The following ENO4 variants were observed in gnomAD, a reference collection of about 807,000 sequenced individuals.
ENO4 encodes 2-phospho-D-glycerate hydro-lyase.
In ENO4, 53 loss-of-function variants were observed where a neutral mutation model predicts 63.2. The ratio of observed to expected loss-of-function variants is 0.84; its 90% CI spans 0.67 to 1.05. The LOEUF is 1.05. Among genes scored for constraint, ENO4 ranks in the 50% least tolerant of loss-of-function variants. The pLI, the probability that ENO4 is intolerant of heterozygous loss-of-function variation, is 0.00. For synonymous variants in ENO4, 266 were observed against 283.8 expected (o/e 0.94, Z 0.63); for missense variants, 719 against 772.0 (o/e 0.93, Z 0.81).
chr10:116,906,620 G>C (rs1284054587), intron 10 of ENO4: 1 of 1,608,544 alleles, frequency 6.2e-7, no homozygotes, highest in Non-Finnish European at 8.5e-7. Context: ...AATTCAAACC[G>C]GCTTACTACT....
chr10:116,853,360 G>A (rs1390144511), intron 1 of ENO4, among the ~76,000 whole-genome samples: 1 of 151,438 alleles, frequency 6.6e-6, no homozygotes, highest in Non-Finnish European at 1.5e-5. Flanking sequence ...ATCTTGGACA[G>A]TTAATTTTTG....
Position 116,871,139 on chromosome 10 carries a change from CA to C in ENO4, c.1064del (p.Lys355ArgfsTer8). The C allele has an allele frequency of 1.3e-6, 2 of 1,550,386 alleles. No homozygotes were observed. The highest frequency in any genetic ancestry group is 1.7e-6 in the Non-Finnish European group (2 of 1,146,920). On this transcript the variant is annotated frameshift_variant, in exon 9 of 14. Coordinates refer to ENST00000341276, the MANE Select transcript of ENO4 (RefSeq NM_001242699.2). LOFTEE classifies it high-confidence loss of function. ...TGATCTTGCAGCAGCAGATCACTGG[CA>C]AGATGTCTCATCTTGGCTGTTTAAC... is the stretch of plus-strand genomic sequence containing the variant. ...SKRGQQQITG[K>X]MSHLGCLTIN...
chr10:116,858,934 C>A, intron 3 of ENO4, 56 bp from the exon 4 acceptor site: 2 of 1,219,320 alleles, frequency 1.6e-6, no homozygotes, highest in Non-Finnish European at 2.3e-6. Flanking sequence ...TGACCAAAAT[C>A]ACAGAGTGAT....
Position 116,901,832 on chromosome 10 carries a change from G to T in ENO4, c.1195-9667G>T, listed in dbSNP as rs772849432. 13 of 1,604,338 alleles carry T rather than the reference G, an allele frequency of 8.1e-6. No individual in the cohort carries two copies. The East Asian group carries it at 1.1e-4, about 14-fold the overall frequency. ...GGCCCTTCACCTGGCTCAGGTGTTGGGGGGGACGGGCTGTTGAATTCTGCC... is the reference window on the plus strand; with the variant it reads ...GGCCCTTCACCTGGCTCAGGTGTTGTGGGGGACGGGCTGTTGAATTCTGCC... On this transcript the variant is annotated intron_variant, in intron 10 of 10. Coordinates refer to the ENO4 transcript ENST00000369207.
chr10:116,876,556 CAGG>C (rs1339820538), intron 11 of ENO4, among the ~76,000 whole-genome samples: 2 of 152,266 alleles, frequency 1.3e-5, no homozygotes, highest in Admixed American at 6.5e-5. Flanking sequence ...CTGCCTGTAA[CAGG>C]AGGACTAATG....
chr10:116,874,010 G>C (rs181856800), intron 9 of ENO4, 66 bp from the exon 10 acceptor site: 1 of 1,447,062 alleles, frequency 6.9e-7, no homozygotes, highest in Non-Finnish European at 9.3e-7. Flanking sequence ...AATCTGAACC[G>C]TATCTTTGGG....
chr10:116,865,883 T>C (rs1846536729), intron 7 of ENO4, among the ~76,000 whole-genome samples: 1 of 152,248 alleles, frequency 6.6e-6, no homozygotes, highest in Non-Finnish European at 1.5e-5. Flanking sequence ...CCTGGAATAC[T>C]AATAATCCAC....
intron 1 of ENO4, among the ~76,000 whole-genome samples, chr10:116,852,244 A>G (rs1846111098): frequency 6.6e-6 from 1 of 152,182 alleles, no homozygotes; most frequent in Non-Finnish European, 1.5e-5. Flanking sequence ...CAGAACTGTG[A>G]GTCAATTAAA....
chr10:116,881,070 G>A (rs1043547918), intron 13 of ENO4, among the ~76,000 whole-genome samples: 2 of 152,166 alleles, frequency 1.3e-5, no homozygotes, highest in East Asian at 1.9e-4. Flanking sequence ...CCACTTTAGA[G>A]TAGGAAATCT....
intron 7 of ENO4, among the ~76,000 whole-genome samples, chr10:116,868,331 T>C (rs1846598182): frequency 6.6e-6 from 1 of 152,236 alleles, no homozygotes; most frequent in Admixed American, 6.5e-5. Flanking sequence ...GAGTTCATGA[T>C]ATATGTGTGA....
chr10:116,906,874 T>C (rs762312718), intron 10 of ENO4: 13 of 730,416 alleles, frequency 1.8e-5, no homozygotes, highest in African/African-American at 9.1e-5. Flanking sequence ...ATGAATTTGC[T>C]ATATATTAAT....
intron 7 of ENO4, among the ~76,000 whole-genome samples, chr10:116,867,888 GATCAC>G (rs1323659686): frequency 4.6e-5 from 7 of 152,096 alleles, no homozygotes; most frequent in Admixed American, 4.6e-4. Flanking sequence ...ATTGTCCCCC[GATCAC>G]ATCACATGAC....
chr10:116,904,442 T>C (rs1847879857), intron 10 of ENO4, among the ~76,000 whole-genome samples: 1 of 152,260 alleles, frequency 6.6e-6, no homozygotes, highest in South Asian at 2.1e-4. Context: ...CCTTCCTTTT[T>C]TTTTTTTCTT....
chr10:116,877,823 G>A (rs1453547502), intron 11 of ENO4, among the ~76,000 whole-genome samples: 1 of 152,208 alleles, frequency 6.6e-6, no homozygotes, highest in East Asian at 1.9e-4. Context: ...CTGTGAAGTA[G>A]ACACTATCAT....
chr10:116,875,968 G>A (rs1363270830), intron 10 of ENO4, 97 bp from the exon 11 acceptor site: 1 of 949,630 alleles, frequency 1.1e-6, no homozygotes, highest in Non-Finnish European at 1.5e-6. Flanking sequence ...TGCATCTCAG[G>A]AAAAATGTGT....
At chr10:116,873,270 A>G (rs903228924) in intron 9 of ENO4, among the ~76,000 whole-genome samples, 13 of 152,178 alleles carry the variant, frequency 8.5e-5, no homozygotes, top group African/African-American at 2.7e-4. Context: ...CTTAATTCCA[A>G]TGGAATCCAT....
downstream of ENO4, chr10:116,883,263 CTT>C (rs1055532615): frequency 2.0e-5 from 3 of 152,096 alleles, no homozygotes; most frequent in Admixed American, 6.5e-5. Context: ...CTTTCTCTCT[CTT>C]GTGTTATATA....
downstream of ENO4, chr10:116,885,077 C>G (rs1281089675): frequency 2.0e-5 from 3 of 152,590 alleles, no homozygotes; most frequent in Non-Finnish European, 2.9e-5. Context: ...AGTACATGTA[C>G]CTGCCTACCC....
intron 12 of ENO4, among the ~76,000 whole-genome samples, 154 bp from the exon 13 acceptor site, chr10:116,879,715 C>T (rs889193230): frequency 6.6e-6 from 1 of 152,212 alleles, no homozygotes; most frequent in Admixed American, 6.5e-5. Context: ...GCACTCTCAG[C>T]TTGTAGGCCA....
Sources: allele counts gnomAD v4.1 joint callset (sites outside exome capture counted in the v4.1 genomes callset), GRCh38; gene constraint gnomAD v4.1.1; transcripts MANE v1.5; gene names NCBI Gene and HGNC (gene_info 2026-07-23, HGNC 2026-07-21).